USP33: variants seen among roughly 807,000 people sequenced by gnomAD.
USP33 encodes the protein ubiquitin carboxyl-terminal hydrolase 33.
A neutral mutation model predicts 124.2 loss-of-function variants in USP33; 46 were observed. That is an observed-to-expected ratio of 0.37 (90% CI 0.29 to 0.47). The LOEUF is 0.47. Ranked by LOEUF, USP33 falls within the 20% of genes least tolerant of loss-of-function variation. USP33 has a pLI of 0.99. For synonymous variants in USP33, 350 were observed against 352.3 expected, an observed-to-expected ratio of 0.99 and a Z score of 0.07; for missense variants, 851 against 1,070.6, an observed-to-expected ratio of 0.79 and a Z score of 2.86.
chr1:77,736,912 C>G (rs542895884), intron 5 of USP33, among the ~76,000 whole-genome samples: 20 of 152,080 alleles, frequency 1.3e-4, no homozygotes, highest in Admixed American at 1.3e-3. Context: ...CCGGCCTGCA[C>G]ACTTTTACGT....
Position 77,728,488 on chromosome 1 carries a change from T to G in USP33, c.942A>C (p.Glu314Asp). The G allele has an allele frequency of 6.2e-7, 1 of 1,614,130 alleles. No homozygotes were observed. Among genetic ancestry groups the G allele is most frequent in the African/African-American group, 1.3e-5 (1 of 75,064 alleles). ...GSRCFSEDNN[E>D]TTMLIQDDEN... Reference sequence around the variant, plus strand: ...CATCATCCTGAATTAACATTGTTGTTTCATTATTATCTTCAGAAAAGCATC... The same window carrying G: ...CATCATCCTGAATTAACATTGTTGTGTCATTATTATCTTCAGAAAAGCATC... Residue 314 changes from glutamate to aspartate, a missense_variant, in exon 10 of 24, where the codon GAA (glutamate) becomes GAC (aspartate). Physicochemically the swap from Glu to Asp is conservative, Grantham distance 45 (BLOSUM62 2). Coordinates refer to ENST00000370794, the MANE Select transcript of USP33 (RefSeq NM_201624.3).
chr1:77,718,523 T>C (rs1278785507), intron 16 of USP33, 73 bp downstream of exon 16: 15 of 1,162,652 alleles, frequency 1.3e-5, no homozygotes, highest in Non-Finnish European at 1.9e-5. Context: ...GAGAATTTAT[T>C]ACTACATTTT....
chr1:77,726,798 T>C (rs569743950), intron 10 of USP33, among the ~76,000 whole-genome samples: 55 of 152,290 alleles, frequency 3.6e-4, no homozygotes, highest in African/African-American at 1.3e-3. Context: ...CTTACTATAA[T>C]AAAAAATACA....
At chr1:77,731,727 A>G (rs541790247) in intron 7 of USP33, among the ~76,000 whole-genome samples, 1 of 152,268 alleles carries the variant, frequency 6.6e-6, no homozygotes, top group South Asian at 2.1e-4. Context: ...AGGAATTACA[A>G]AGTAAATCGG....
intron 1 of USP33, among the ~76,000 whole-genome samples, chr1:77,749,734 A>T (rs1383979410): frequency 2.0e-5 from 3 of 152,158 alleles, no homozygotes; most frequent in Non-Finnish European, 4.4e-5. Flanking sequence ...TTGTTTACTG[A>T]AAGTATTTAA....
At chr1:77,729,988 C>G in intron 8 of USP33, 50 bp from the exon 9 acceptor site, 1 of 1,485,024 alleles carries the variant, frequency 6.7e-7, no homozygotes, top group Non-Finnish European at 9.2e-7. Flanking sequence ...TTTTAATTTT[C>G]ATTTTAAAAA....
chr1:77,745,883 T>C (rs943672095), intron 1 of USP33, among the ~76,000 whole-genome samples: 2 of 152,104 alleles, frequency 1.3e-5, no homozygotes, highest in African/African-American at 4.8e-5. Flanking sequence ...TTTAAAGCAG[T>C]GTGTAGAGGG....
Position 77,714,861 on chromosome 1 carries a change from A to G in USP33, c.2046-78T>C, listed in dbSNP as rs1198471873. On this transcript the variant is annotated intron_variant, in intron 18 of 23. Coordinates refer to ENST00000370794, the MANE Select transcript of USP33 (RefSeq NM_201624.3). ...GTAGATGGATTTTTCTTCTTATTAG[A>G]CTTAACACACATATTAACACTATCT... The G allele has an allele frequency of 2.8e-6, 4 of 1,404,538 alleles. No individual in the cohort carries two copies. The African/African-American group carries it at 5.8e-5, about 20-fold the overall frequency. 87.0% of individuals were successfully genotyped at this position (1,404,538 alleles called of 1,614,324 possible).
At position 77,715,806 on chromosome 1, in the gene USP33, G is replaced by T; in HGVS notation, c.1981C>A (p.Gln661Lys). 6.2e-7 allele frequency: 1 copy of T among 1,613,972 alleles called. No individual in the cohort carries two copies. Among genetic ancestry groups the T allele is most frequent in the South Asian group, 1.1e-5 (1 of 91,076 alleles). The change falls in exon 18 of 24, where the codon CAG becomes AAG. Residue 661 changes from glutamine (Q) to lysine (K), a missense_variant. By Grantham distance (53) the Gln-to-Lys change is moderately conservative. This residue lies in a region of USP33 where 281 missense variants were observed against 425.0 expected (regional missense o/e 0.66). Coordinates refer to ENST00000370794, the MANE Select transcript of USP33 (RefSeq NM_201624.3). ...GATTCTGAAACTTCAGTGACACTCT[G>T]ATCATCAAATTCATACCAGAGATTA... Reference protein sequence around the residue: ...LNNLWYEFDDQSVTEVSESTV... With the variant: ...LNNLWYEFDDKSVTEVSESTV...
At chr1:77,706,801 A>G (rs576716244) in intron 21 of USP33, among the ~76,000 whole-genome samples, 1 of 152,330 alleles carries the variant, frequency 6.6e-6, no homozygotes, top group African/African-American at 2.4e-5. Flanking sequence ...CATAACTGGA[A>G]TACATAAACC....
chr1:77,702,512 A>G (rs1368099177), intron 21 of USP33, among the ~76,000 whole-genome samples: 1 of 152,206 alleles, frequency 6.6e-6, no homozygotes, highest in Non-Finnish European at 1.5e-5. Context: ...ACATAAATGT[A>G]TAAGTAAATT....
chr1:77,714,842 G>C (rs929878062), intron 18 of USP33, 59 bp from the exon 19 acceptor site: 1 of 1,550,086 alleles, frequency 6.5e-7, no homozygotes, highest in Non-Finnish European at 8.8e-7. Flanking sequence ...ACTAGTAGAT[G>C]GATTTTTCTT....
chr1:77,724,729 C>T (rs796283769), intron 11 of USP33, among the ~76,000 whole-genome samples: 8 of 152,126 alleles, frequency 5.3e-5, no homozygotes, highest in African/African-American at 1.9e-4. Context: ...CAAAAGTCCA[C>T]CAGTAGGTAA....
chr1:77,734,447 A>G (rs1351230718), intron 6 of USP33, 31 bp from the exon 7 acceptor site: 22 of 1,393,662 alleles, frequency 1.6e-5, no homozygotes, highest in Non-Finnish European at 2.2e-5. Flanking sequence ...TGAAGTCATC[A>G]TTCAATAATG....
At chr1:77,731,184 A>C (rs1677764607) in intron 7 of USP33, among the ~76,000 whole-genome samples, 1 of 152,174 alleles carries the variant, frequency 6.6e-6, no homozygotes, top group African/African-American at 2.4e-5. Context: ...TAAAATTTTC[A>C]ACCATATTCC....
intron 16 of USP33, among the ~76,000 whole-genome samples, chr1:77,718,388 T>C (rs1391655566): frequency 6.6e-6 from 1 of 152,256 alleles, no homozygotes; most frequent in African/African-American, 2.4e-5. Flanking sequence ...CCTGCAAGTA[T>C]GATTAAACTT....
At chr1:77,745,777 GACT>G (rs1343928227) in intron 1 of USP33, 1 of 152,184 alleles carries the variant, frequency 6.6e-6, no homozygotes, top group Non-Finnish European at 1.5e-5. Flanking sequence ...GCTCCTGAAT[GACT>G]ACTGGGTAAA....
chr1:77,715,749 A>G lies in USP33; in HGVS notation c.2038T>C (p.Phe680Leu). ...TACACTTATTTCCATTACCTATAGA[A>G]AAGAACGTAAGCTTCTGCATTTTGT... is the stretch of plus-strand genomic sequence containing the variant. ...TVQNAEAYVL[F>L]YRKSSEEAQK... The change falls in exon 18 of 24, where the codon TTC (phenylalanine) becomes CTC (leucine). Residue 680 changes from phenylalanine (F) to leucine (L), a missense_variant. Around this residue, in one of 4 missense-constraint regions of USP33, gnomAD observed 281 missense variants for 425.0 expected, o/e 0.66. Coordinates refer to ENST00000370794, the MANE Select transcript of USP33 (RefSeq NM_201624.3). 6.2e-7 allele frequency: 1 copy of G among 1,613,038 alleles called. No homozygotes were observed. The highest frequency in any genetic ancestry group is 8.5e-7 in the Non-Finnish European group (1 of 1,179,750).
chr1:77,717,843 C>A, intron 17 of USP33, 24 bp downstream of exon 17: 2 of 1,507,446 alleles, frequency 1.3e-6, no homozygotes, highest in Admixed American at 2.2e-5. Flanking sequence ...AATCTAGGAA[C>A]AACTGTTAAA....
Sources: gnomAD v4.1 joint callset for allele counts (sites outside exome capture counted in the v4.1 genomes callset) on GRCh38, gnomAD v4.1.1 for gene constraint, gnomAD v4.1.1 regional missense constraint, MANE v1.5 for transcripts, NCBI Gene and HGNC (gene_info 2026-07-23, HGNC 2026-07-21) for gene names.